Variants in PIWIL4 observed in about 807,000 individuals in gnomAD.
PIWIL4 encodes piwi-like protein 4.
A neutral mutation model predicts 100.9 loss-of-function variants in PIWIL4; 50 were observed. That is an observed-to-expected ratio of 0.50 (90% confidence interval 0.39 to 0.63). The LOEUF (loss-of-function observed/expected upper bound fraction) is 0.63. PIWIL4 is among the 20% of genes least tolerant of loss of function. PIWIL4 has a pLI of 0.00. For missense variants in PIWIL4, 887 were observed against 1,043.3 expected (o/e 0.85, Z 2.06); for synonymous variants, 342 against 367.5 (o/e 0.93, Z 0.79).
chr11:94,583,146 C>G (rs759565824), intron 4 of PIWIL4, among the ~76,000 whole-genome samples: 16 of 149,394 alleles, frequency 1.1e-4, no homozygotes, highest in Non-Finnish European at 2.2e-4. Context: ...CCTCCCGCTC[C>G]CTAGAAAAAT....
intron 6 of PIWIL4, 100 bp downstream of exon 6, chr11:94,585,625 C>A: frequency 1.2e-6 from 1 of 801,500 alleles, no homozygotes; most frequent in Non-Finnish European, 1.9e-6. Flanking sequence ...GTGAGAGACT[C>A]TGTGATATGA....
At chr11:94,614,787 T>C (rs1360080834) in intron 15 of PIWIL4, among the ~76,000 whole-genome samples, 2 of 152,202 alleles carry the variant, frequency 1.3e-5, no homozygotes, top group Non-Finnish European at 2.9e-5. Context: ...CACTCCACAC[T>C]TCTGGTTCTC....
intron 19 of PIWIL4, among the ~76,000 whole-genome samples, chr11:94,620,598 G>T (rs1425411210): frequency 6.6e-6 from 1 of 152,144 alleles, no homozygotes; most frequent in Non-Finnish European, 1.5e-5. Flanking sequence ...CTCCTCCAAG[G>T]AGTTCCAAAC....
chr11:94,621,048 T>G lies in PIWIL4; in HGVS notation c.*56T>G. On this transcript the variant is annotated 3_prime_UTR_variant, in exon 20 of 20. Coordinates refer to ENST00000299001, the MANE Select transcript of PIWIL4 (RefSeq NM_152431.3). Reference sequence around the variant, plus strand: ...CAATCCAAGAAGAAATTGGTATACTTTGTGCAAATCTGCCATAAGCTCAAG... The same window carrying G: ...CAATCCAAGAAGAAATTGGTATACTGTGTGCAAATCTGCCATAAGCTCAAG... 7.6e-7 allele frequency: 1 copy of G among 1,316,480 alleles called. No individual in the cohort carries two copies. Among genetic ancestry groups the G allele is most frequent in the South Asian group, 1.2e-5 (1 of 82,684 alleles). The allele number at this position is 1,316,480 out of a possible 1,614,324, so 81.5% of individuals were successfully genotyped here. A position where few individuals can be genotyped will look rare whatever the true frequency, so the allele number is the denominator to read the frequency against.
chr11:94,617,853 C>T, intron 16 of PIWIL4, 101 bp from the exon 17 acceptor site: 1 of 1,310,696 alleles, frequency 7.6e-7, no homozygotes, highest in Non-Finnish European at 1.1e-6. Flanking sequence ...TTACAGTGGT[C>T]TGAAATAGCA....
At position 94,621,266 on chromosome 11, in the gene PIWIL4, T is replaced by C. The variant is rs1948901682; in HGVS notation, c.*274T>C. On this transcript the variant is annotated 3_prime_UTR_variant, in exon 20 of 20. Coordinates refer to ENST00000299001, the MANE Select transcript of PIWIL4 (RefSeq NM_152431.3). ...ACAAAGAATTCCACAGAGTTAAATA[T>C]CTTAAGTTAAACACTTAAAATAAGT... 1 of 349,926 alleles carries C rather than the reference T, an allele frequency of 2.9e-6. No homozygotes were observed. The highest frequency in any genetic ancestry group is 5.2e-6 in the Non-Finnish European group (1 of 191,728). 21.7% of individuals were successfully genotyped at this position (349,926 alleles called of 1,614,324 possible).
intron 5 of PIWIL4, 110 bp downstream of exon 5, chr11:94,583,679 C>T: frequency 2.1e-6 from 3 of 1,437,398 alleles, no homozygotes; most frequent in Non-Finnish European, 2.9e-6. Context: ...GCAGTGATGC[C>T]ACCGTTAGGG....
chr11:94,590,466 T>C (rs1450878382), intron 8 of PIWIL4, among the ~76,000 whole-genome samples: 1 of 152,236 alleles, frequency 6.6e-6, no homozygotes, highest in Non-Finnish European at 1.5e-5. Context: ...TTCCCTCATA[T>C]AGAACCTTTT....
chr11:94,595,294 A>T lies in PIWIL4; in HGVS notation c.1151-15A>T. 6.2e-7 allele frequency: 1 copy of T among 1,606,968 alleles called. No homozygotes were observed. On this transcript the variant is annotated splice_polypyrimidine_tract_variant and intron_variant, in intron 9 of 19. Transcript: ENST00000299001. Reference sequence around the variant, plus strand: ...ATGTTCATTTTCTCACTTTGTCTTCATTTGCATTTAATAGGGCTGACTGAC... The same window carrying T: ...ATGTTCATTTTCTCACTTTGTCTTCTTTTGCATTTAATAGGGCTGACTGAC...
intron 2 of PIWIL4, among the ~76,000 whole-genome samples, chr11:94,570,861 C>T (rs527266896): frequency 1.1e-4 from 16 of 152,278 alleles, no homozygotes; most frequent in African/African-American, 3.6e-4. Flanking sequence ...CCTTGCACTC[C>T]AGCTTGGGCA....
At chr11:94,618,617 C>A (rs748628077) in intron 17 of PIWIL4, among the ~76,000 whole-genome samples, 5 of 152,178 alleles carry the variant, frequency 3.3e-5, no homozygotes, top group African/African-American at 4.8e-5. Flanking sequence ...AGGCTTCTTG[C>A]TCCACTGTTG....
intron 1 of PIWIL4, among the ~76,000 whole-genome samples, chr11:94,568,263 G>C (rs1661386689): frequency 6.6e-6 from 1 of 152,156 alleles, no homozygotes; most frequent in African/African-American, 2.4e-5. Context: ...AAGAGAAGTA[G>C]TTACTATGAA....
Position 94,577,313 on chromosome 11 carries a change from C to T in PIWIL4, c.334C>T (p.Leu112Phe). 1 of 1,613,898 alleles carries T rather than the reference C, an allele frequency of 6.2e-7. No individual in the cohort carries two copies. Among genetic ancestry groups the T allele is most frequent in the African/African-American group, 1.3e-5 (1 of 74,996 alleles). ...SGIPVKLVTN[L>F]FNLDFPQDWQ... ...AATACCTGTGAAACTGGTTACAAAC[C>T]TCTTTAACTTAGATTTTCCCCAAGA... Residue 112 changes from leucine to phenylalanine, a missense_variant, in exon 4 of 20, where the codon CTC becomes TTC. Leu to Phe is a conservative substitution (Grantham distance 22, BLOSUM62 0). Around this residue, in one of 2 missense-constraint regions of PIWIL4, gnomAD observed 741 missense variants for 930.0 expected, o/e 0.80. Transcript: ENST00000299001.
chr11:94,615,598 GT>G (rs771430601), intron 15 of PIWIL4, among the ~76,000 whole-genome samples: 1 of 151,822 alleles, frequency 6.6e-6, no homozygotes, highest in African/African-American at 2.4e-5. Flanking sequence ...ATTGTGTTCT[GT>G]TTTTTTTGTT....
intron 5 of PIWIL4, among the ~76,000 whole-genome samples, chr11:94,583,849 T>C (rs187551394): frequency 3.9e-5 from 6 of 152,324 alleles, no homozygotes; most frequent in African/African-American, 1.4e-4. Flanking sequence ...GGGTACCCTT[T>C]TCCTTTTCTT....
At chr11:94,578,761 G>A (rs910431110) in intron 4 of PIWIL4, among the ~76,000 whole-genome samples, 8 of 152,178 alleles carry the variant, frequency 5.3e-5, no homozygotes, top group African/African-American at 1.9e-4. Flanking sequence ...GTTAGTATGA[G>A]TTTATTTGGG....
chr11:94,568,780 C>T lies in PIWIL4; in HGVS notation c.138C>T (p.Phe46=), dbSNP rs750580912. 1 of 1,609,136 alleles carries T rather than the reference C, an allele frequency of 6.2e-7. No individual in the cohort carries two copies. The highest frequency in any genetic ancestry group is 1.1e-5 in the South Asian group (1 of 90,960). The change falls in exon 2 of 20, where the codon TTC becomes TTT. Residue 46 remains phenylalanine (F), a synonymous_variant. Transcript: ENST00000299001. ...ATGAAGCATCCTCTAGCAATGGCTT[C>T]TTGGGAACAAGCAGGATCTCAACCA... ...SNNEASSSNG[F]LGTSRISTND...
intron 8 of PIWIL4, 80 bp downstream of exon 8, chr11:94,589,312 C>T (rs538356739): frequency 6.4e-6 from 8 of 1,242,564 alleles, no homozygotes; most frequent in Non-Finnish European, 9.2e-6. Context: ...TCAGAGGTCC[C>T]CCAGATTGGA....
intron 15 of PIWIL4, among the ~76,000 whole-genome samples, chr11:94,616,045 G>A (rs1409834675): frequency 6.6e-6 from 1 of 152,172 alleles, no homozygotes; most frequent in Non-Finnish European, 1.5e-5. Context: ...TGCTAAATTA[G>A]TACATTAATT....
Sources: allele counts gnomAD v4.1 joint callset (sites outside exome capture counted in the v4.1 genomes callset), GRCh38; gene constraint gnomAD v4.1.1; regional missense constraint gnomAD v4.1.1; transcripts MANE v1.5; gene names NCBI Gene and HGNC (gene_info 2026-07-23, HGNC 2026-07-21).